SHLD1: variants seen among roughly 807,000 people sequenced by gnomAD.
SHLD1 encodes shieldin complex subunit 1, also known as RINN1-REV7-interacting novel NHEJ regulator 3.
A neutral mutation model predicts 5.5 loss-of-function variants in SHLD1; 3 were observed. That is an observed-to-expected ratio of 0.54 (90% CI 0.25 to 1.40). The LOEUF is 1.40. Ranked by LOEUF, SHLD1 falls within the 40% of genes most tolerant of loss-of-function variation. The probability of loss-of-function intolerance (pLI) is 0.15; values close to 1 mark genes in which losing one functional copy is unlikely to be tolerated. For synonymous variants in SHLD1, 92 were observed against 94.3 expected (o/e 0.98, Z 0.14); for missense variants, 210 against 244.4 (o/e 0.86, Z 0.94).
rs574609147 is a variant in SHLD1, at chr20:5,776,823, C to T, written c.178+3780C>T. On this transcript the variant is annotated intron_variant, in intron 2 of 2. Transcript: ENST00000303142. ...AAAAAAGCATTCACATTGGTTTACT[C>T]ATCCTACCCCATGGAAGGCTCTGGG... Among the ~76,000 whole-genome samples, 17 of 152,104 alleles carry T rather than the reference C, an allele frequency of 1.1e-4. No homozygotes were observed. In the South Asian group the frequency reaches 3.3e-3, roughly 30 times the overall value.
intron 2 of SHLD1, among the ~76,000 whole-genome samples, chr20:5,835,552 G>A (rs183568140): frequency 3.9e-5 from 6 of 152,294 alleles, no homozygotes; most frequent in East Asian, 1.9e-4. Flanking sequence ...TGGGCACAGC[G>A]TCCCCAGGGA....
chr20:5,816,400 G>C (rs1416032493), intron 2 of SHLD1, among the ~76,000 whole-genome samples: 1 of 152,128 alleles, frequency 6.6e-6, no homozygotes, highest in Non-Finnish European at 1.5e-5. Flanking sequence ...ACAATGATTT[G>C]AAAAATAAAA....
At chr20:5,779,840 T>C (rs943051479) in intron 2 of SHLD1, among the ~76,000 whole-genome samples, 7 of 152,130 alleles carry the variant, frequency 4.6e-5, no homozygotes, top group African/African-American at 1.4e-4. Context: ...TGGCAGAGTA[T>C]GGCAGGTTGC....
intron 2 of SHLD1, among the ~76,000 whole-genome samples, chr20:5,833,033 C>T (rs917543317): frequency 7.3e-5 from 11 of 151,634 alleles, no homozygotes; most frequent in African/African-American, 1.9e-4. Flanking sequence ...GCATGGCTGA[C>T]GTGTCCTCCT....
intron 2 of SHLD1, among the ~76,000 whole-genome samples, chr20:5,847,468 A>G (rs1281227740): frequency 6.6e-6 from 1 of 152,226 alleles, no homozygotes; most frequent in Non-Finnish European, 1.5e-5. Flanking sequence ...TCCATGTAAG[A>G]GACGGAAATA....
chr20:5,757,290 T>A (rs1984174689), intron 1 of SHLD1, among the ~76,000 whole-genome samples: 1 of 152,100 alleles, frequency 6.6e-6, no homozygotes, highest in African/African-American at 2.4e-5. Context: ...TTGGCCAGGC[T>A]GGTCTCGAAT....
At chr20:5,804,455 T>C (rs1279563614) in intron 2 of SHLD1, among the ~76,000 whole-genome samples, 2 of 152,162 alleles carry the variant, frequency 1.3e-5, no homozygotes, top group African/African-American at 4.8e-5. Context: ...TGTGTGTTTT[T>C]TACATGACCT....
At chr20:5,810,197 C>T (rs2087439354) in intron 2 of SHLD1, among the ~76,000 whole-genome samples, 2 of 151,476 alleles carry the variant, frequency 1.3e-5, no homozygotes, top group African/African-American at 2.4e-5. Flanking sequence ...GTGGAGGTTG[C>T]AGTGAGCCAA....
intron 2 of SHLD1, among the ~76,000 whole-genome samples, chr20:5,830,418 G>A (rs190358905): frequency 2.3e-4 from 35 of 152,262 alleles, no homozygotes; most frequent in African/African-American, 8.4e-4. Flanking sequence ...GGTGGCTCAC[G>A]CCTGTACTCC....
chr20:5,847,887 T>A (rs1568530075), intron 2 of SHLD1, among the ~76,000 whole-genome samples: 4 of 152,206 alleles, frequency 2.6e-5, no homozygotes. Context: ...TCCTTTTGGA[T>A]GTATTTCCGG....
intron 2 of SHLD1, among the ~76,000 whole-genome samples, chr20:5,808,272 AAAAG>A (rs2087410313): frequency 1.4e-5 from 1 of 70,630 alleles, no homozygotes; most frequent in Non-Finnish European, 3.2e-5. Context: ...TCTCAAAAAA[AAAAG>A]AAACGTAAAA....
chr20:5,764,152 T>TTTTTTATATATATA (rs1984662184), intron 1 of SHLD1, among the ~76,000 whole-genome samples: 1 of 70,062 alleles, frequency 1.4e-5, no homozygotes, highest in African/African-American at 5.3e-5. Context: ...ATATATATAT[T>TTTTTTATATATATA]TATATTTATA....
At chr20:5,778,114 C>CTTTTT (rs776358532) in intron 2 of SHLD1, among the ~76,000 whole-genome samples, 11 of 111,922 alleles carry the variant, frequency 9.8e-5, no homozygotes, top group Non-Finnish European at 1.6e-4. Flanking sequence ...ATCCCTTTTT[C>CTTTTT]TTTTTTTTTT....
At chr20:5,756,790 T>TCCCAA (rs1984138007) in intron 1 of SHLD1, 1 of 298,038 alleles carries the variant, frequency 3.4e-6, no homozygotes, top group Admixed American at 3.9e-5. Context: ...TCCATCAGCT[T>TCCCAA]CCCAAAGTGT....
chr20:5,779,610 A>C (rs1415569645), intron 2 of SHLD1, among the ~76,000 whole-genome samples: 1 of 152,138 alleles, frequency 6.6e-6, no homozygotes, highest in Non-Finnish European at 1.5e-5. Context: ...TTCCCAAGCC[A>C]GTTTGATGTT....
intron 1 of SHLD1, among the ~76,000 whole-genome samples, chr20:5,762,971 CAA>C (rs561487362): frequency 0.33 from 33,729 of 102,826 alleles, 4,433 homozygotes; most frequent in Non-Finnish European, 0.38. Context: ...GACTCCGTCT[CAA>C]AAAAAAAAAA....
At chr20:5,768,560 TTGAC>T (rs1180663810) in intron 1 of SHLD1, among the ~76,000 whole-genome samples, 1 of 152,222 alleles carries the variant, frequency 6.6e-6, no homozygotes, top group Non-Finnish European at 1.5e-5. Flanking sequence ...CATTAAATAA[TTGAC>T]TGACTGCATG....
At chr20:5,817,432 C>CTCTCTCTCTCTCTCTGTGTGTGTG (rs1473391202) in intron 2 of SHLD1, among the ~76,000 whole-genome samples, 2 of 85,586 alleles carry the variant, frequency 2.3e-5, no homozygotes, top group African/African-American at 1.1e-4. Context: ...CTCTCTCTCT[C>CTCTCTCTCTCTCTCTGTGTGTGTG]TGTGTGTGTG....
At chr20:5,861,829 C>T (rs1213436537) in intron 2 of SHLD1, among the ~76,000 whole-genome samples, 2 of 152,164 alleles carry the variant, frequency 1.3e-5, no homozygotes, top group Non-Finnish European at 2.9e-5. Flanking sequence ...ATTGTAGCTA[C>T]TGATTGAGTT....
Sources: gnomAD v4.1 joint callset for allele counts (sites outside exome capture counted in the v4.1 genomes callset) on GRCh38, gnomAD v4.1.1 for gene constraint, MANE v1.5 for transcripts, NCBI Gene and HGNC (gene_info 2026-07-23, HGNC 2026-07-21) for gene names.